The following NIPSNAP2 variants were observed in gnomAD, a reference collection of about 807,000 sequenced individuals.
NIPSNAP2 encodes nipsnap homolog 2, also known as protein NipSnap homolog 2.
NIPSNAP2 carries 42 observed loss-of-function variants against 48.4 expected under a neutral mutation model. That is an observed-to-expected ratio of 0.87 (90% CI 0.68 to 1.12). NIPSNAP2 has a LOEUF of 1.12. Ranked by LOEUF, NIPSNAP2 falls within the 50% of genes most tolerant of loss-of-function variation. The probability of loss-of-function intolerance (pLI) is 0.00; values close to 1 mark genes in which losing one functional copy is unlikely to be tolerated. For synonymous variants in NIPSNAP2, 158 were observed against 126.6 expected (o/e 1.25, Z -1.67); for missense variants, 314 against 347.3 (o/e 0.90, Z 0.76).
intron 6 of NIPSNAP2, among the ~76,000 whole-genome samples, chr7:55,984,097 CAT>C (rs1423711257): frequency 2.0e-5 from 3 of 149,816 alleles, no homozygotes; most frequent in African/African-American, 4.8e-5. Context: ...TTCTAAATAA[CAT>C]ATTTGTTTTT....
intron 7 of NIPSNAP2, among the ~76,000 whole-genome samples, chr7:55,990,901 C>T (rs544637151): frequency 1.3e-4 from 20 of 151,998 alleles, no homozygotes; most frequent in African/African-American, 4.8e-4. Context: ...GATTAGCCTG[C>T]CTCAGCCTCC....
At chr7:55,987,739 G>A (rs1261922264) in intron 7 of NIPSNAP2, among the ~76,000 whole-genome samples, 2 of 152,178 alleles carry the variant, frequency 1.3e-5, no homozygotes, top group African/African-American at 4.8e-5. Flanking sequence ...CTCCTTATGT[G>A]AAGTATCCAG....
At chr7:55,981,159 T>A in intron 3 of NIPSNAP2, 1 of 163,870 alleles carries the variant, frequency 6.1e-6, no homozygotes. Context: ...TTTTTTCCCC[T>A]CAAATGGAAA....
chr7:55,970,168 C>T (rs1786991278), intron 1 of NIPSNAP2, among the ~76,000 whole-genome samples: 1 of 151,966 alleles, frequency 6.6e-6, no homozygotes, highest in Non-Finnish European at 1.5e-5. Flanking sequence ...AACCCCAGAC[C>T]ATCTAGTGAG....
intron 1 of NIPSNAP2, among the ~76,000 whole-genome samples, chr7:55,973,847 T>C (rs1485943170): frequency 3.3e-5 from 5 of 152,150 alleles, no homozygotes; most frequent in Non-Finnish European, 7.4e-5. Context: ...TCTACCTATT[T>C]GAGACAATAT....
At chr7:55,979,634 G>T in intron 3 of NIPSNAP2, 1 of 355,064 alleles carries the variant, frequency 2.8e-6, no homozygotes, top group Middle Eastern at 5.0e-4. Context: ...TACCTTTCTG[G>T]GCTCCAAGCT....
rs1562769663 is a variant in NIPSNAP2 at position 55,995,112 on chromosome 7, GAC to G, written c.712+126_712+127del. On this transcript the variant is annotated intron_variant, in intron 8 of 9. Transcript: ENST00000322090. ...TACAGCAAATCCGACGTCACAGAGG[GAC>G]AGTCTGTACGGGGCTGTCTGGAACT... 4 of 781,910 alleles carry G rather than the reference GAC, an allele frequency of 5.1e-6. No homozygotes were observed. In the Admixed American group the frequency reaches 6.1e-5, roughly 12 times the overall value. 48.4% of individuals were successfully genotyped at this position (781,910 alleles called of 1,614,324 possible).
chr7:55,966,214 T>A (rs1370292917), intron 1 of NIPSNAP2, among the ~76,000 whole-genome samples: 2 of 152,218 alleles, frequency 1.3e-5, no homozygotes, highest in Non-Finnish European at 1.5e-5. Flanking sequence ...AGGAGGTGTC[T>A]GGGCTACAGG....
At chr7:55,987,593 C>A (rs4314612) in intron 7 of NIPSNAP2, among the ~76,000 whole-genome samples, 137,304 of 152,256 alleles carry the variant, frequency 0.9, 62,169 homozygotes, top group East Asian at 1. Flanking sequence ...GCGCCACTGC[C>A]CTCCAGCCTG....
In NIPSNAP2 at chr7:55,999,296, G is replaced by A. The variant is rs189832608; in HGVS notation, c.*224G>A. ...CTTGTCGTCCTCTTTGAAACACCCC[G>A]TGTTGTCCAGTATACCTTATAACAC... On this transcript the variant is annotated 3_prime_UTR_variant, in exon 10 of 10. Transcript: ENST00000322090. 4.0e-4 allele frequency: 221 copies of A among 552,722 alleles called. 1 individual carries two copies. The East Asian group carries it at 4.9e-3, about 12-fold the overall frequency. 34.2% of individuals were successfully genotyped at this position (552,722 alleles called of 1,614,324 possible). A position where few individuals can be genotyped will look rare whatever the true frequency, so the allele number is the denominator to read the frequency against.
intron 7 of NIPSNAP2, among the ~76,000 whole-genome samples, chr7:55,989,236 T>C (rs980785474): frequency 6.6e-6 from 1 of 152,200 alleles, no homozygotes; most frequent in African/African-American, 2.4e-5. Context: ...GCATGCTGAT[T>C]ACAATTGTAA....
chr7:55,979,563 C>T, intron 3 of NIPSNAP2: 1 of 335,066 alleles, frequency 3.0e-6, no homozygotes. Context: ...TCTCTTGTTT[C>T]CTTCTCCATC....
At chr7:55,987,037 C>G (rs1408590333) in intron 7 of NIPSNAP2, among the ~76,000 whole-genome samples, 2 of 148,762 alleles carry the variant, frequency 1.3e-5, no homozygotes, top group African/African-American at 4.9e-5. Context: ...GTGGCACATG[C>G]CTGTAGTCTC....
chr7:55,996,285 C>CAAAA (rs11464121), intron 8 of NIPSNAP2, among the ~76,000 whole-genome samples: 2 of 109,694 alleles, frequency 1.8e-5, no homozygotes, highest in Non-Finnish European at 3.6e-5. Flanking sequence ...GACTCCGTCT[C>CAAAA]AAAAAAAAAA....
intron 8 of NIPSNAP2, 75 bp downstream of exon 8, chr7:55,995,063 T>G: frequency 1.6e-6 from 2 of 1,241,544 alleles, no homozygotes; most frequent in Non-Finnish European, 2.4e-6. Flanking sequence ...GTAGAGCACA[T>G]CTTGAGTCAG....
chr7:55,964,634 C>T lies in NIPSNAP2; in HGVS notation c.25C>T (p.Arg9Cys), dbSNP rs936401965. 2 of 1,069,988 alleles carry T rather than the reference C, an allele frequency of 1.9e-6. No homozygotes were observed. The highest frequency in any genetic ancestry group is 1.7e-5 in the African/African-American group (1 of 59,036). 66.3% of individuals were successfully genotyped at this position (1,069,988 alleles called of 1,614,324 possible). A position where few individuals can be genotyped will look rare whatever the true frequency, so the allele number is the denominator to read the frequency against. MAARVLRARGAAWAGGLLQ... is the reference protein window; with the variant it reads MAARVLRACGAAWAGGLLQ... ...GATGGCGGCGCGAGTGCTGCGCGCCCGCGGAGCGGCCTGGGCCGGCGGCCT... is the reference window on the plus strand; with the variant it reads ...GATGGCGGCGCGAGTGCTGCGCGCCTGCGGAGCGGCCTGGGCCGGCGGCCT... Residue 9 changes from arginine to cysteine, a missense_variant, in exon 1 of 10, where the codon CGC (arginine) becomes TGC (cysteine). By Grantham distance (180) the Arg-to-Cys change is radical. Around this residue, in one of 2 missense-constraint regions of NIPSNAP2, gnomAD observed 198 missense variants for 185.5 expected, o/e 1.07. Transcript: ENST00000322090.
chr7:55,996,425 A>G (rs1400674293), intron 8 of NIPSNAP2, among the ~76,000 whole-genome samples: 1 of 151,836 alleles, frequency 6.6e-6, no homozygotes, highest in Non-Finnish European at 1.5e-5. Flanking sequence ...CAACTTCAAC[A>G]CCCACCTGGT....
chr7:55,983,953 G>GAAACTAAAGTTTTGGCTGGGTGTGGTGGC, intron 6 of NIPSNAP2, 85 bp downstream of exon 6: 1 of 1,227,350 alleles, frequency 8.1e-7, no homozygotes, highest in African/African-American at 1.5e-5. Flanking sequence ...GAACTTGTGT[G>GAAACTAAAGTTTTGGCTGGGTGTGGTGGC]TACATTCTGT....
At chr7:55,990,824 G>A (rs1211256269) in intron 7 of NIPSNAP2, among the ~76,000 whole-genome samples, 3 of 135,208 alleles carry the variant, frequency 2.2e-5, no homozygotes, top group Non-Finnish European at 4.7e-5. Context: ...GTCTTGCTCT[G>A]TTGCCCAGGC....
Sources: gnomAD v4.1 joint callset for allele counts (sites outside exome capture counted in the v4.1 genomes callset) on GRCh38, gnomAD v4.1.1 for gene constraint, gnomAD v4.1.1 regional missense constraint, MANE v1.5 for transcripts, NCBI Gene and HGNC (gene_info 2026-07-23, HGNC 2026-07-21) for gene names.